GRIK4: variants seen among roughly 807,000 people sequenced by gnomAD.
GRIK4 encodes the protein glutamate ionotropic receptor kainate type subunit 4.
Under a neutral mutation model 104.9 loss-of-function variants are expected in GRIK4, and 40 were observed. The ratio of observed to expected loss-of-function variants is 0.38; its 90% CI spans 0.30 to 0.50. The LOEUF (loss-of-function observed/expected upper bound fraction) is 0.50. GRIK4 is among the 20% of genes least tolerant of loss of function. GRIK4 has a pLI of 0.93. For missense variants in GRIK4, 1,047 were observed against 1,308.1 expected, an observed-to-expected ratio of 0.80 and a Z score of 3.08; for synonymous variants, 485 against 524.9, an observed-to-expected ratio of 0.92 and a Z score of 1.04.
chr11:120,943,428 T>C (rs571848146), intron 14 of GRIK4, among the ~76,000 whole-genome samples: 222 of 152,244 alleles, frequency 1.5e-3, no homozygotes, highest in Middle Eastern at 3.4e-3. Context: ...AGGGGAGATA[T>C]GGTTAGAATA....
rs1944142680 is a variant in GRIK4 at position 120,956,193 on chromosome 11, T to C, written c.1701-587T>C. 7.4e-6 allele frequency among the ~76,000 whole-genome samples: 1 copy of C among 135,070 alleles called. No individual in the cohort carries two copies. The highest frequency in any genetic ancestry group is 2.5e-5 in the African/African-American group (1 of 39,226). The allele number at this position is 135,070 out of a possible 152,430, so 88.6% of individuals were successfully genotyped here. ...TCTTGACACTCCTAGCCTCAGGGGC[T>C]CCACTTAATCTTTTTTTTTTTTTTT... On this transcript the variant is annotated intron_variant, in intron 15 of 20. Transcript: ENST00000527524. This position sits in a 1 kb window ranked among gnomAD's most constrained non-coding sequence, Gnocchi z 4.6.
chr11:120,792,237 T>TGTGTGTGTGTGTGTGC, intron 3 of GRIK4, among the ~76,000 whole-genome samples: 1 of 150,214 alleles, frequency 6.7e-6, no homozygotes. Flanking sequence ...AGCAGCACCG[T>TGTGTGTGTGTGTGTGC]GTGTGTGTGT....
At chr11:120,797,790 T>TG (rs976910431) in intron 3 of GRIK4, among the ~76,000 whole-genome samples, 11 of 152,200 alleles carry the variant, frequency 7.2e-5, no homozygotes, top group Non-Finnish European at 1.5e-4. Flanking sequence ...CTGCATTAGA[T>TG]GCTGTGGGCA....
chr11:120,947,892 T>C (rs1297663103), intron 14 of GRIK4, among the ~76,000 whole-genome samples: 1 of 152,050 alleles, frequency 6.6e-6, no homozygotes, highest in Non-Finnish European at 1.5e-5. Flanking sequence ...AGAATGTAGG[T>C]CTCCTCACAC....
rs77537192 is a variant in GRIK4 at position 120,744,407 on chromosome 11, CT to C, written c.83-58283del. 4.5e-3 allele frequency among the ~76,000 whole-genome samples: 688 copies of C among 152,270 alleles called. 25 individuals carry two copies. In the East Asian group the frequency reaches 0.085, roughly 19 times the overall value. On this transcript the variant is annotated intron_variant, in intron 3 of 20. Coordinates refer to ENST00000527524, the MANE Select transcript of GRIK4 (RefSeq NM_014619.5). ...GCCTTTTTGCTGTTCATATGTTATA[CT>C]TTGGGGTTTTAATTCGTACTAAATA... is the stretch of plus-strand genomic sequence containing the variant.
At position 120,819,472 on chromosome 11, in the gene GRIK4, C is replaced by T. The variant is rs1953048862; in HGVS notation, c.346-283C>T. Among the ~76,000 whole-genome samples the T allele has an allele frequency of 6.6e-6, 1 of 152,230 alleles. No individual in the cohort carries two copies. Among genetic ancestry groups the T allele is most frequent in the Admixed American group, 6.5e-5 (1 of 15,290 alleles). On this transcript the variant is annotated intron_variant, in intron 5 of 20. Coordinates refer to ENST00000527524, the MANE Select transcript of GRIK4 (RefSeq NM_014619.5). The surrounding 1 kb of genome is among the most constrained non-coding windows in gnomAD (Gnocchi z 4.3). Reference sequence around the variant, plus strand: ...ATAAAGATAGATTCTTTTGCCTTCTCAGGACCACAGACCCCAGCTTGCAGA... The same window carrying T: ...ATAAAGATAGATTCTTTTGCCTTCTTAGGACCACAGACCCCAGCTTGCAGA...
intron 3 of GRIK4, among the ~76,000 whole-genome samples, chr11:120,674,086 A>G (rs984837726): frequency 3.3e-5 from 5 of 152,134 alleles, no homozygotes; most frequent in African/African-American, 9.7e-5. Flanking sequence ...GGCTCCCGGC[A>G]TCTTCTTTCT....
At chr11:120,937,536 C>G (rs1407007946) in intron 13 of GRIK4, among the ~76,000 whole-genome samples, 1 of 152,192 alleles carries the variant, frequency 6.6e-6, no homozygotes, top group Admixed American at 6.5e-5. Context: ...CTGCCCTTTC[C>G]TGTCTCCTTC....
intron 13 of GRIK4, among the ~76,000 whole-genome samples, chr11:120,931,271 C>T (rs1471895835): frequency 6.6e-6 from 1 of 152,060 alleles, no homozygotes; most frequent in Non-Finnish European, 1.5e-5. Context: ...TTAGGAGGGC[C>T]CCTGCAGGGA....
intron 1 of GRIK4, among the ~76,000 whole-genome samples, chr11:120,588,752 G>T (rs1356890815): frequency 6.6e-6 from 1 of 152,138 alleles, no homozygotes; most frequent in Non-Finnish European, 1.5e-5. Context: ...ACTCTAGGGT[G>T]TTTGGCAGTC....
intron 19 of GRIK4, among the ~76,000 whole-genome samples, chr11:120,978,663 G>A (rs1248053498): frequency 6.6e-6 from 1 of 152,144 alleles, no homozygotes; most frequent in Non-Finnish European, 1.5e-5. Context: ...GCCTGAACTA[G>A]GGAAGTGGCA....
rs1309282154 is a variant in GRIK4, at chr11:120,986,126, G to T, written c.2737G>T (p.Ala913Ser). 2 of 1,520,796 alleles carry T rather than the reference G, an allele frequency of 1.3e-6. No individual in the cohort carries two copies. Among genetic ancestry groups the T allele is most frequent in the Non-Finnish European group, 1.8e-6 (2 of 1,142,782 alleles). The allele number at this position is 1,520,796 out of a possible 1,614,324, so 94.2% of individuals were successfully genotyped here. The change falls in exon 21 of 21, where the codon GCC (alanine) becomes TCC (serine). Residue 913 changes from alanine (A) to serine (S), a missense_variant. Coordinates refer to ENST00000527524, the MANE Select transcript of GRIK4 (RefSeq NM_014619.5). ...QRLAQEAALV[A>S]RGCTHIRVCP... ...ACTGGCGCAGGAGGCCGCCCTGGTG[G>T]CCCGCGGCTGCACGCACATCCGCGT...
intron 9 of GRIK4, chr11:120,870,913 A>G (rs953935719): frequency 1.3e-5 from 2 of 151,988 alleles, no homozygotes; most frequent in African/African-American, 2.4e-5. Context: ...CACCCAGTTG[A>G]TTTTTGTATT....
intron 3 of GRIK4, among the ~76,000 whole-genome samples, chr11:120,753,429 A>C (rs535581143): frequency 6.6e-6 from 1 of 151,892 alleles, no homozygotes; most frequent in South Asian, 2.1e-4. Flanking sequence ...TACCTTTGTC[A>C]CTCATTGGCT....
intron 2 of GRIK4, among the ~76,000 whole-genome samples, chr11:120,656,124 A>T (rs1034071887): frequency 6.6e-6 from 1 of 152,248 alleles, no homozygotes; most frequent in East Asian, 1.9e-4. Flanking sequence ...TTTTCTGTTA[A>T]TAAAGGATGC....
rs180716767 is a variant in GRIK4 at position 120,988,832 on chromosome 11, G to C, written c.*2572G>C. ...GTTAGTGATGGATGACAGCTGTTTG[G>C]GTTTAGAAAGTATGGTTCAGTGTGT... On this transcript the variant is annotated 3_prime_UTR_variant, in exon 21 of 21. Coordinates refer to ENST00000527524, the MANE Select transcript of GRIK4 (RefSeq NM_014619.5). 107 of 152,252 alleles carry C rather than the reference G, an allele frequency of 7.0e-4. No individual in the cohort carries two copies. The highest frequency in any genetic ancestry group is 2.3e-3 in the African/African-American group (94 of 41,544). The allele number at this position is 152,252 out of a possible 1,614,324, so 9.4% of individuals were successfully genotyped here. A position where few individuals can be genotyped will look rare whatever the true frequency, so the allele number is the denominator to read the frequency against.
intron 3 of GRIK4, among the ~76,000 whole-genome samples, chr11:120,722,593 T>G (rs1439449866): frequency 1.3e-5 from 2 of 149,930 alleles, no homozygotes; most frequent in African/African-American, 4.9e-5. Flanking sequence ...CCAGCCTGCG[T>G]GACAAAGCGA....
Position 120,905,246 on chromosome 11 carries a change from A to T in GRIK4, c.1273-44A>T. ...CCTCCCCATCACACGCGGGTGAGAC[A>T]CCAGGGCTAAGATGAGAATGACAGC... On this transcript the variant is annotated intron_variant, in intron 12 of 20. Coordinates refer to ENST00000527524, the MANE Select transcript of GRIK4 (RefSeq NM_014619.5). The surrounding 1 kb of genome is among the most constrained non-coding windows in gnomAD (Gnocchi z 5.1). 7.0e-7 allele frequency: 1 copy of T among 1,424,806 alleles called. No homozygotes were observed. The highest frequency in any genetic ancestry group is 9.9e-7 in the Non-Finnish European group (1 of 1,008,702). The allele number at this position is 1,424,806 out of a possible 1,614,324, so 88.3% of individuals were successfully genotyped here.
At chr11:120,519,883 TTTTTTTTTG>T (rs1947776052) in intron 1 of GRIK4, among the ~76,000 whole-genome samples, 4 of 149,582 alleles carry the variant, frequency 2.7e-5, no homozygotes, top group African/African-American at 5.0e-5. Context: ...TTTTTTTGTT[TTTTTTTTTG>T]TTGTTGTTGT....
Sources: gnomAD v4.1 joint callset for allele counts (sites outside exome capture counted in the v4.1 genomes callset) on GRCh38, gnomAD v4.1.1 for gene constraint, Gnocchi (gnomAD v3.1) non-coding constraint, MANE v1.5 for transcripts, NCBI Gene and HGNC (gene_info 2026-07-23, HGNC 2026-07-21) for gene names.